The following CASD1 variants were observed in gnomAD, a reference collection of about 807,000 sequenced individuals.
CASD1 encodes the protein N-acetylneuraminate (7)9-O-acetyltransferase.
CASD1 carries 41 observed loss-of-function variants against 100.0 expected under a neutral mutation model. That is an observed-to-expected ratio of 0.41 (90% CI 0.32 to 0.53). The LOEUF is 0.53. CASD1 is among the 20% of genes least tolerant of loss of function. CASD1 has a pLI of 0.25. For missense variants in CASD1, 774 were observed against 948.7 expected (o/e 0.82, Z 2.42); for synonymous variants, 321 against 315.6 (o/e 1.02, Z -0.18).
rs1236784248 is a variant in CASD1, at chr7:94,532,274, C to T, written c.460-931C>T. ...TAAATTAGGCACACTAAGAGATTAA[C>T]AGCAATAACTAATAATAAAATAGTA... On this transcript the variant is annotated intron_variant, in intron 5 of 17. Coordinates refer to ENST00000297273, the MANE Select transcript of CASD1 (RefSeq NM_022900.5). Among the ~76,000 whole-genome samples the T allele has an allele frequency of 2.6e-5, 4 of 152,130 alleles. No individual in the cohort carries two copies. The East Asian group carries it at 5.8e-4, about 22-fold the overall frequency.
the CASD1 span, among the ~76,000 whole-genome samples, chr7:94,604,858 TA>T: frequency 1.3e-5 from 1 of 75,210 alleles, no homozygotes; most frequent in Admixed American, 1.5e-4. Flanking sequence ...TATATATATA[TA>T]ATAGTTGTTA....
chr7:94,537,677 G>C lies in CASD1; in HGVS notation c.1049G>C (p.Gly350Ala). ...AAGCCGTGTACTGATTTGGAAAGTG[G>C]AGAGGAAAAGAAAAATATTATCAAT... ...KNKPCTDLES[G>A]EEKKNIINTP... The change falls in exon 9 of 18, where the codon GGA (glycine) becomes GCA (alanine). Residue 350 changes from glycine (G) to alanine (A), a missense_variant. By Grantham distance (60) the Gly-to-Ala change is moderately conservative. Transcript: ENST00000297273. 6.2e-7 allele frequency: 1 copy of C among 1,613,564 alleles called. No homozygotes were observed. Among genetic ancestry groups the C allele is most frequent in the African/African-American group, 1.3e-5 (1 of 74,962 alleles).
chr7:94,606,020 G>A, the CASD1 span, among the ~76,000 whole-genome samples: 6 of 152,038 alleles, frequency 3.9e-5, no homozygotes, highest in South Asian at 2.1e-4. Context: ...GTAGAGATGG[G>A]TTTTCACCAT....
At chr7:94,587,128 C>T in the CASD1 span, 21 of 983,574 alleles carry the variant, frequency 2.1e-5, no homozygotes, top group Non-Finnish European at 2.5e-5. Flanking sequence ...GTTAAACAAC[C>T]TTAAAATCCC....
the CASD1 span, chr7:94,589,949 G>C: frequency 2.0e-5 from 3 of 152,268 alleles, no homozygotes; most frequent in Non-Finnish European, 4.4e-5. Flanking sequence ...AGTTCCTGGT[G>C]CCAAAAAGCT....
chr7:94,568,334 AAATT>A, the CASD1 span, among the ~76,000 whole-genome samples: 6 of 152,188 alleles, frequency 3.9e-5, no homozygotes, highest in Admixed American at 2.0e-4. Flanking sequence ...ATTTTAAACA[AAATT>A]AAGTTGGATC....
At chr7:94,551,168 C>T (rs953300767) in intron 14 of CASD1, among the ~76,000 whole-genome samples, 170 bp from the exon 15 acceptor site, 3 of 152,092 alleles carry the variant, frequency 2.0e-5, no homozygotes, top group Non-Finnish European at 4.4e-5. Flanking sequence ...TAACAATCAT[C>T]GGCTTTATTT....
chr7:94,624,047 A>T, the CASD1 span: 1 of 394,378 alleles, frequency 2.5e-6, no homozygotes, highest in African/African-American at 2.1e-5. Flanking sequence ...ATTCAGAAAC[A>T]GCCAGTGCAA....
the CASD1 span, chr7:94,625,575 T>C: frequency 2.0e-5 from 3 of 152,152 alleles, no homozygotes; most frequent in African/African-American, 7.2e-5. Flanking sequence ...AGTTTTATTA[T>C]AATTGCATGA....
chr7:94,553,058 A>G, intron 16 of CASD1: 1 of 330,444 alleles, frequency 3.0e-6, no homozygotes, highest in Admixed American at 3.8e-5. Flanking sequence ...TTAGCGTTGT[A>G]CAACTTATGC....
the CASD1 span, chr7:94,598,561 T>C: frequency 2.7e-4 from 157 of 574,930 alleles, no homozygotes; most frequent in Non-Finnish European, 4.5e-4. Context: ...TATGTAGTCT[T>C]GTTTGGATCA....
At chr7:94,602,935 A>G in the CASD1 span, among the ~76,000 whole-genome samples, 1 of 152,148 alleles carries the variant, frequency 6.6e-6, no homozygotes, top group Admixed American at 6.6e-5. Context: ...CTTTCCTTCC[A>G]AAGTGGGTTA....
chr7:94,511,559 C>G (rs1793707966), intron 1 of CASD1, among the ~76,000 whole-genome samples: 1 of 152,186 alleles, frequency 6.6e-6, no homozygotes, highest in South Asian at 2.1e-4. Context: ...CTTGGTTTAT[C>G]TACAATCATG....
chr7:94,526,872 G>A (rs897721359), intron 3 of CASD1, among the ~76,000 whole-genome samples: 1 of 152,170 alleles, frequency 6.6e-6, no homozygotes, highest in Non-Finnish European at 1.5e-5. Flanking sequence ...TGGCAAAAAG[G>A]TAATTTATAC....
intron 1 of CASD1, among the ~76,000 whole-genome samples, chr7:94,510,439 G>T (rs868818017): frequency 2.9e-4 from 44 of 152,188 alleles, no homozygotes; most frequent in African/African-American, 9.4e-4. Context: ...GTGGTTCTGG[G>T]CGCCCCGAGC....
chr7:94,510,124 A>T lies in CASD1; in HGVS notation c.40A>T (p.Asn14Tyr). The T allele has an allele frequency of 6.5e-7, 1 of 1,530,294 alleles. No homozygotes were observed. 94.8% of individuals were successfully genotyped at this position (1,530,294 alleles called of 1,614,324 possible). The change falls in exon 1 of 18, where the codon AAC becomes TAC. Residue 14 changes from asparagine to tyrosine, a missense_variant. Asn to Tyr is a moderately radical substitution (Grantham distance 143). Coordinates refer to ENST00000297273, the MANE Select transcript of CASD1 (RefSeq NM_022900.5). ...CTACAACCTGGGCAAGCGGGAGATC[A>T]ACCACTACTTCAGCGTGAGGAGCGC... ...LAYNLGKREI[N>Y]HYFSVRSAKV...
At chr7:94,542,286 G>A (rs1795442589) in intron 10 of CASD1, among the ~76,000 whole-genome samples, 1 of 152,174 alleles carries the variant, frequency 6.6e-6, no homozygotes, top group Admixed American at 6.5e-5. Context: ...ACTCTCTGCT[G>A]TGCTAGCCAC....
At chr7:94,586,061 G>GAAAAAAAAA in the CASD1 span, among the ~76,000 whole-genome samples, 266 of 28,906 alleles carry the variant, frequency 9.2e-3, 5 homozygotes, top group East Asian at 0.014. Flanking sequence ...GGAACTAAAT[G>GAAAAAAAAA]AAAAAAAAAA....
chr7:94,590,280 A>T, the CASD1 span, among the ~76,000 whole-genome samples: 8 of 152,102 alleles, frequency 5.3e-5, no homozygotes, highest in South Asian at 2.1e-4. Flanking sequence ...ATTTTTAATT[A>T]AAAAAATCTC....
Sources: allele counts gnomAD v4.1 joint callset (sites outside exome capture counted in the v4.1 genomes callset), GRCh38; gene constraint gnomAD v4.1.1; transcripts MANE v1.5; gene names NCBI Gene and HGNC (gene_info 2026-07-23, HGNC 2026-07-21).